The following SORT1 variants were observed in gnomAD, a reference collection of about 807,000 sequenced individuals.
The protein encoded by SORT1 is sortilin.
A neutral mutation model predicts 101.7 loss-of-function variants in SORT1; 39 were observed. That is an observed-to-expected ratio of 0.38 (90% CI 0.30 to 0.50). SORT1 has a LOEUF of 0.50. Among genes scored for constraint, SORT1 ranks in the 20% least tolerant of loss-of-function variants. The probability of loss-of-function intolerance (pLI) is 0.90; values close to 1 mark genes in which losing one functional copy is unlikely to be tolerated. For synonymous variants in SORT1, 396 were observed against 393.7 expected (o/e 1.01, Z -0.07); for missense variants, 878 against 1,040.4 (o/e 0.84, Z 2.15).
At chr1:109,394,460 G>A (rs1033415716) in intron 1 of SORT1, among the ~76,000 whole-genome samples, 6 of 152,186 alleles carry the variant, frequency 3.9e-5, no homozygotes, top group African/African-American at 9.6e-5. Flanking sequence ...GGAGGCTTGG[G>A]CAAAGAGAAA....
At chr1:109,315,435 A>G (rs149615750) in intron 17 of SORT1, among the ~76,000 whole-genome samples, 7 of 152,170 alleles carry the variant, frequency 4.6e-5, no homozygotes, top group African/African-American at 1.4e-4. Flanking sequence ...GAGGAGAGTC[A>G]CCAGGAGCCC....
rs1658803661 is a variant in SORT1 at position 109,312,799 on chromosome 1, T to A, written c.*1244A>T. 6.6e-6 allele frequency: 1 copy of A among 152,204 alleles called. No individual in the cohort carries two copies. The highest frequency in any genetic ancestry group is 2.4e-5 in the African/African-American group (1 of 41,450). The allele number at this position is 152,204 out of a possible 1,614,324, so 9.4% of individuals were successfully genotyped here. A position where few individuals can be genotyped will look rare whatever the true frequency, so the allele number is the denominator to read the frequency against. On this transcript the variant is annotated 3_prime_UTR_variant, in exon 20 of 20. Transcript: ENST00000256637. ...TTTAGAGAGGTATCAAATGGAAAAC[T>A]TCTTTTAATCCAAAATAAGAACTTA... is the stretch of plus-strand genomic sequence containing the variant.
intron 1 of SORT1, among the ~76,000 whole-genome samples, chr1:109,380,813 C>CAAAAAAAAAAAAAAA (rs60568166): frequency 2.0e-5 from 1 of 49,224 alleles, no homozygotes; most frequent in African/African-American, 9.6e-5. Flanking sequence ...CCTGTCGCCA[C>CAAAAAAAAAAAAAAA]AAAAAAAAAA....
intron 15 of SORT1, among the ~76,000 whole-genome samples, chr1:109,320,147 C>G (rs72975295): frequency 0.016 from 2,444 of 152,184 alleles, 69 homozygotes; most frequent in African/African-American, 0.056. Flanking sequence ...AATGCATTCT[C>G]TTACTTTTTC....
chr1:109,347,007 A>C (rs189591411), intron 7 of SORT1, among the ~76,000 whole-genome samples: 211 of 152,282 alleles, frequency 1.4e-3, no homozygotes, highest in Non-Finnish European at 1.4e-3. Context: ...TTTACGTTCC[A>C]TGAGGGCAGG....
At chr1:109,388,615 GA>G (rs1280596732) in intron 1 of SORT1, among the ~76,000 whole-genome samples, 2 of 152,196 alleles carry the variant, frequency 1.3e-5, no homozygotes, top group African/African-American at 2.4e-5. Context: ...TTAGAGATAT[GA>G]AAAAAATTAA....
At position 109,397,883 on chromosome 1, in the gene SORT1, G is replaced by A. The variant is rs1352597299; in HGVS notation, c.10C>T (p.Pro4Ser). ...GAGAGGCCGTCCGCAGCTCCCCAGG[G>A]CCGCTCCATCGCCGCCGAATGCCGC... MERPWGAADGLSRW... is the reference protein window; with the variant it reads MERSWGAADGLSRW... Residue 4 changes from proline to serine, a missense_variant, in exon 1 of 20, where the codon CCC (proline) becomes TCC (serine). Transcript: ENST00000256637. 1 of 1,182,836 alleles carries A rather than the reference G, an allele frequency of 8.5e-7. No individual in the cohort carries two copies. The allele number at this position is 1,182,836 out of a possible 1,614,324, so 73.3% of individuals were successfully genotyped here.
At chr1:109,337,708 A>G (rs1398374117) in intron 10 of SORT1, among the ~76,000 whole-genome samples, 1 of 149,970 alleles carries the variant, frequency 6.7e-6, no homozygotes, top group East Asian at 2.0e-4. Flanking sequence ...GCTCACTGCA[A>G]CCTCTGCCTC....
intron 1 of SORT1, among the ~76,000 whole-genome samples, chr1:109,376,662 A>G (rs1390469041): frequency 2.0e-5 from 3 of 152,158 alleles, no homozygotes; most frequent in African/African-American, 7.2e-5. Context: ...CAAATACCAC[A>G]TGCTCTCACT....
At position 109,314,689 on chromosome 1, in the gene SORT1, T is replaced by C. The variant is rs373252991; in HGVS notation, c.2340A>G (p.Lys780=). ...TTCCTTACCTTCCCCCACAGACATA[T>C]TTCTTCACAATGAGCACTCCTGCTA... is the stretch of plus-strand genomic sequence containing the variant. ...TVVAGVLIVK[K]YVCGGRFLVH... Residue 780 remains lysine (K), a synonymous_variant, in exon 18 of 20, where the codon AAA becomes AAG. Transcript: ENST00000256637. 51 of 1,602,292 alleles carry C rather than the reference T, an allele frequency of 3.2e-5. No individual in the cohort carries two copies. The African/African-American group carries it at 4.8e-4, about 15-fold the overall frequency.
Position 109,397,846 on chromosome 1 carries a change from TG to T in SORT1, c.46del (p.His16MetfsTer41). The T allele has an allele frequency of 3.9e-6, 5 of 1,298,078 alleles. No homozygotes were observed. Among genetic ancestry groups the T allele is most frequent in the South Asian group, 3.4e-5 (2 of 58,364 alleles). The allele number at this position is 1,298,078 out of a possible 1,614,324, so 80.4% of individuals were successfully genotyped here. On this transcript the variant is annotated frameshift_variant, in exon 1 of 20. Transcript: ENST00000256637. LOFTEE classifies it high-confidence loss of function. The part of the protein sequence containing the change: ...GAADGLSRWP[H>X]GLGLLLLLQL... ...CAGGAGGAGGAGGAGGCCGAGGCCATGGGGCCAGCGCGAGAGGCCGTCCGCA... is the reference window on the plus strand; with the variant it reads ...CAGGAGGAGGAGGAGGCCGAGGCCATGGGCCAGCGCGAGAGGCCGTCCGCA...
chr1:109,327,526 T>C lies in SORT1; in HGVS notation c.1447A>G (p.Asn483Asp). Residue 483 changes from asparagine to aspartate, a missense_variant, in exon 12 of 20, where the codon AAT (asparagine) becomes GAT (aspartate). Around this residue, in one of 2 missense-constraint regions of SORT1, gnomAD observed 684 missense variants for 894.5 expected, o/e 0.76. Coordinates refer to ENST00000256637, the MANE Select transcript of SORT1 (RefSeq NM_002959.7). ...TGAGCAATGACAATGCCTACGGCAT[T>C]CGGCTCTGAGAGTGGGGCCATTGGA... ...NVPMAPLSEPNAVGIVIAHGS... is the reference protein window; with the variant it reads ...NVPMAPLSEPDAVGIVIAHGS... The C allele has an allele frequency of 1.2e-6, 2 of 1,610,836 alleles. No homozygotes were observed. The highest frequency in any genetic ancestry group is 1.7e-6 in the Non-Finnish European group (2 of 1,178,646).
chr1:109,367,193 C>T, intron 3 of SORT1: 1 of 402,636 alleles, frequency 2.5e-6, no homozygotes, highest in South Asian at 4.4e-5. Flanking sequence ...CGCCACTGCA[C>T]TCCAGCCTGG....
chr1:109,350,459 A>G (rs1026388678), intron 6 of SORT1, among the ~76,000 whole-genome samples: 7 of 152,204 alleles, frequency 4.6e-5, no homozygotes, highest in Admixed American at 2.6e-4. Flanking sequence ...TCTCCGAGAA[A>G]AGTGAATGAG....
chr1:109,369,107 G>A (rs930679372), intron 2 of SORT1, among the ~76,000 whole-genome samples: 1 of 152,066 alleles, frequency 6.6e-6, no homozygotes, highest in African/African-American at 2.4e-5. Flanking sequence ...GATCACCTGA[G>A]GTCAGGCGTT....
chr1:109,384,519 C>T (rs1248862778), intron 1 of SORT1, among the ~76,000 whole-genome samples: 3 of 152,200 alleles, frequency 2.0e-5, no homozygotes, highest in African/African-American at 7.2e-5. Context: ...TAATCCAGGA[C>T]ATCTGAAATG....
In SORT1 at chr1:109,327,699, C is replaced by T. The variant is rs565584108; in HGVS notation, c.1372-98G>A. 120 of 697,336 alleles carry T rather than the reference C, an allele frequency of 1.7e-4. 2 individuals carry two copies. The Middle Eastern group carries it at 6.0e-3, about 35-fold the overall frequency. The allele number at this position is 697,336 out of a possible 1,614,324, so 43.2% of individuals were successfully genotyped here. ...CCTTCCAATAAAGCTTTAAGTTAAC[C>T]CAGACCTAGGTAAAAGTACTATCTT... On this transcript the variant is annotated intron_variant, in intron 11 of 19. Transcript: ENST00000256637.
intron 1 of SORT1, among the ~76,000 whole-genome samples, chr1:109,373,652 A>C (rs1651634311): frequency 6.6e-6 from 1 of 152,238 alleles, no homozygotes; most frequent in Non-Finnish European, 1.5e-5. Flanking sequence ...GTCCCGCCTA[A>C]AAATGCTTAA....
In SORT1 at chr1:109,394,329, T is replaced by C. The variant is rs796595491; in HGVS notation, c.306+3258A>G. Among the ~76,000 whole-genome samples, 8 of 152,280 alleles carry C rather than the reference T, an allele frequency of 5.3e-5. 2 individuals carry two copies. Among genetic ancestry groups the C allele is most frequent in the African/African-American group, 1.9e-4 (8 of 41,554 alleles). ...ACTCCTAAAATAAAGCACTTAATCA[T>C]TAGGACTTCTATGTGAAAAAATATA... On this transcript the variant is annotated intron_variant, in intron 1 of 19. Coordinates refer to ENST00000256637, the MANE Select transcript of SORT1 (RefSeq NM_002959.7).
Sources: allele counts gnomAD v4.1 joint callset (sites outside exome capture counted in the v4.1 genomes callset), GRCh38; gene constraint gnomAD v4.1.1; regional missense constraint gnomAD v4.1.1; transcripts MANE v1.5; gene names NCBI Gene and HGNC (gene_info 2026-07-23, HGNC 2026-07-21).